The following GULP1 variants were observed in gnomAD, a reference collection of about 807,000 sequenced individuals.
GULP1 encodes the protein GULP PTB domain containing engulfment adaptor 1.
Under a neutral mutation model 40.9 loss-of-function variants are expected in GULP1, and 19 were observed. The ratio of observed to expected loss-of-function variants is 0.46; its 90% CI spans 0.32 to 0.68. GULP1 has a LOEUF of 0.68. Among genes scored for constraint, GULP1 ranks in the 30% least tolerant of loss-of-function variants. The pLI, the probability that GULP1 is intolerant of heterozygous loss-of-function variation, is 0.03. For synonymous variants in GULP1, 119 were observed against 117.6 expected, an observed-to-expected ratio of 1.01 and a Z score of -0.08; for missense variants, 312 against 362.2, an observed-to-expected ratio of 0.86 and a Z score of 1.12.
At chr2:188,368,921 A>T (rs10196598) in intron 1 of GULP1, among the ~76,000 whole-genome samples, 1 of 66,204 alleles carries the variant, frequency 1.5e-5, no homozygotes, top group Non-Finnish European at 2.6e-5. Context: ...ATATATATAT[A>T]TGTATATATA....
chr2:188,301,036 A>G (rs2036038841), intron 1 of GULP1, among the ~76,000 whole-genome samples: 1 of 152,002 alleles, frequency 6.6e-6, no homozygotes, highest in Non-Finnish European at 1.5e-5. Flanking sequence ...TATTTTAGAG[A>G]CAGGGTCTCA....
Position 188,497,963 on chromosome 2 carries a change from A to G in GULP1, c.90+14471A>G, listed in dbSNP as rs2063063426. ...TGTGGTTTCAGAAGACTTTGTTCTTACCCTGGCCAAGGATTAATGCTAGAT... is the reference window on the plus strand; with the variant it reads ...TGTGGTTTCAGAAGACTTTGTTCTTGCCCTGGCCAAGGATTAATGCTAGAT... On this transcript the variant is annotated intron_variant, in intron 4 of 11. Transcript: ENST00000409830. 1.3e-5 allele frequency among the ~76,000 whole-genome samples: 2 copies of G among 151,880 alleles called. 1 individual carries two copies. Among genetic ancestry groups the G allele is most frequent in the South Asian group, 4.1e-4 (2 of 4,822 alleles).
At chr2:188,382,473 T>C (rs1047272599) in intron 1 of GULP1, among the ~76,000 whole-genome samples, 7 of 152,196 alleles carry the variant, frequency 4.6e-5, no homozygotes, top group African/African-American at 1.4e-4. Context: ...CCTGCTAATA[T>C]TTCCTGGGAT....
intron 2 of GULP1, among the ~76,000 whole-genome samples, chr2:188,472,295 A>G (rs1478742060): frequency 6.6e-6 from 1 of 152,004 alleles, no homozygotes; most frequent in Non-Finnish European, 1.5e-5. Flanking sequence ...ACCTTCTCGT[A>G]CTTGGATATT....
At position 188,297,911 on chromosome 2, in the gene GULP1, G is replaced by A. The variant is rs192590387; in HGVS notation, c.-172+5745G>A. ...AAATAAGAGAATAAATGTGATTTTA[G>A]CTTCTCAATTTTTTTCATAGCCATT... On this transcript the variant is annotated intron_variant, in intron 1 of 11. Transcript: ENST00000409830. 7.9e-5 allele frequency among the ~76,000 whole-genome samples: 12 copies of A among 152,100 alleles called. No homozygotes were observed. The South Asian group carries it at 2.5e-3, about 31-fold the overall frequency.
chr2:188,520,637 A>G (rs1381029468), intron 4 of GULP1, among the ~76,000 whole-genome samples: 2 of 151,510 alleles, frequency 1.3e-5, no homozygotes, highest in African/African-American at 4.9e-5. Context: ...CCATTTGTTC[A>G]TCAGAAAGGG....
intron 2 of GULP1, among the ~76,000 whole-genome samples, chr2:188,472,906 C>T (rs917586750): frequency 1.3e-5 from 2 of 152,170 alleles, no homozygotes; most frequent in Admixed American, 1.3e-4. Context: ...TTGCAGTCTG[C>T]TCTTGTTTGT....
intron 2 of GULP1, among the ~76,000 whole-genome samples, chr2:188,391,421 G>A (rs2050507206): frequency 1.3e-5 from 2 of 151,964 alleles, no homozygotes. Context: ...GGTTGTTGTT[G>A]GCATATAGCA....
chr2:188,353,845 C>T (rs1312580045), intron 1 of GULP1, among the ~76,000 whole-genome samples: 2 of 151,790 alleles, frequency 1.3e-5, no homozygotes, highest in Non-Finnish European at 2.9e-5. Context: ...CTACAGAGGG[C>T]CTGACCAATG....
rs528129664 is a variant in GULP1 at position 188,528,451 on chromosome 2, TAC to T, written c.163-643_163-642del. ...TAACAGAATCGAACAAGCATTTACA[TAC>T]ACCTACTAACTCAATGAGAAAGTAT... On this transcript the variant is annotated intron_variant, in intron 5 of 11. Coordinates refer to ENST00000409830, the MANE Select transcript of GULP1 (RefSeq NM_016315.4). Among the ~76,000 whole-genome samples the T allele has an allele frequency of 7.2e-5, 11 of 152,014 alleles. No individual in the cohort carries two copies. In the South Asian group the frequency reaches 2.3e-3, roughly 32 times the overall value.
chr2:188,302,720 GT>G (rs2036351220), intron 1 of GULP1, among the ~76,000 whole-genome samples: 1 of 152,152 alleles, frequency 6.6e-6, no homozygotes, highest in Non-Finnish European at 1.5e-5. Context: ...TTGGGCTTCT[GT>G]GTTCTGATCT....
chr2:188,534,017 A>G (rs1204064394), intron 6 of GULP1, among the ~76,000 whole-genome samples: 1 of 152,226 alleles, frequency 6.6e-6, no homozygotes, highest in East Asian at 1.9e-4. Flanking sequence ...GAGAATGCTT[A>G]TACACTGTTG....
intron 2 of GULP1, among the ~76,000 whole-genome samples, chr2:188,463,554 C>G (rs1025940304): frequency 6.6e-6 from 1 of 152,096 alleles, no homozygotes; most frequent in Non-Finnish European, 1.5e-5. Context: ...ATATATTTCT[C>G]TAGGTTTAGG....
At chr2:188,433,055 G>T (rs1390742026) in intron 2 of GULP1, among the ~76,000 whole-genome samples, 1 of 152,048 alleles carries the variant, frequency 6.6e-6, no homozygotes. Context: ...TTTAAAGCAG[G>T]CAGAAAAAGA....
At chr2:188,565,060 G>C (rs1176732133) in intron 7 of GULP1, among the ~76,000 whole-genome samples, 1 of 151,840 alleles carries the variant, frequency 6.6e-6, no homozygotes. Flanking sequence ...GTGGATCATA[G>C]ACATAAAAGT....
chr2:188,564,849 GTAA>G (rs1291016381), intron 7 of GULP1, among the ~76,000 whole-genome samples: 1 of 151,926 alleles, frequency 6.6e-6, no homozygotes, highest in Non-Finnish European at 1.5e-5. Context: ...TGATATTAAT[GTAA>G]TAATAATAAA....
intron 5 of GULP1, among the ~76,000 whole-genome samples, chr2:188,527,391 A>T (rs1030420274): frequency 2.0e-5 from 3 of 152,150 alleles, no homozygotes; most frequent in African/African-American, 7.2e-5. Context: ...ACGCATTCAC[A>T]TAGGGGGAGA....
At chr2:188,532,966 A>G (rs1288510096) in intron 6 of GULP1, among the ~76,000 whole-genome samples, 5 of 152,056 alleles carry the variant, frequency 3.3e-5, no homozygotes, top group Non-Finnish European at 7.4e-5. Flanking sequence ...TCTTTTAAAG[A>G]CTTAATCAAC....
chr2:188,435,721 T>G (rs2057344962), intron 2 of GULP1, among the ~76,000 whole-genome samples: 1 of 152,018 alleles, frequency 6.6e-6, no homozygotes, highest in South Asian at 2.1e-4. Flanking sequence ...ATCCCTCAGG[T>G]TGTCGGAATT....
Sources: gnomAD v4.1 joint callset for allele counts (sites outside exome capture counted in the v4.1 genomes callset) on GRCh38, gnomAD v4.1.1 for gene constraint, MANE v1.5 for transcripts, NCBI Gene and HGNC (gene_info 2026-07-23, HGNC 2026-07-21) for gene names.